Variants in WDR18 observed in about 807,000 individuals in gnomAD.
WDR18 encodes the protein WD repeat-containing protein 18.
In WDR18, 33 loss-of-function variants were observed where a neutral mutation model predicts 49.6. The observed-to-expected ratio is 0.67, with a 90% CI of 0.50 to 0.89. The LOEUF is 0.89. Ranked by LOEUF, WDR18 falls within the 40% of genes least tolerant of loss-of-function variation. The pLI is 0.00. For synonymous variants in WDR18, 315 were observed against 263.6 expected (o/e 1.19, Z -1.89); for missense variants, 653 against 593.6 (o/e 1.10, Z -1.04).
Position 994,358 on chromosome 19 carries a change from C to A in WDR18, c.*14C>A, listed in dbSNP as rs773738604. On this transcript the variant is annotated 3_prime_UTR_variant, in exon 10 of 10. Transcript: ENST00000585809. ...CCGGCCAAGTGAGGCCCGGAGACCC[C>A]GGCCCGAGGCGCCCAGGCCTGAGCC... 2.4e-5 allele frequency: 39 copies of A among 1,599,468 alleles called. No individual in the cohort carries two copies. Among genetic ancestry groups the A allele is most frequent in the South Asian group, 7.8e-5 (7 of 89,584 alleles).
At chr19:992,502 CG>C (rs1175805251) in intron 8 of WDR18, among the ~76,000 whole-genome samples, 1 of 152,212 alleles carries the variant, frequency 6.6e-6, no homozygotes, top group Non-Finnish European at 1.5e-5. Flanking sequence ...CAGGAGCAGC[CG>C]TGAGGGCAGG....
Position 992,062 on chromosome 19 carries a change from G to A in WDR18, c.1039G>A (p.Glu347Lys). 2.5e-6 allele frequency: 4 copies of A among 1,570,034 alleles called. No individual in the cohort carries two copies. The highest frequency in any genetic ancestry group is 2.6e-6 in the Non-Finnish European group (3 of 1,163,328). Reference protein sequence around the residue: ...PHFNKHLLGAEHGDEPRHGGL... With the variant: ...PHFNKHLLGAKHGDEPRHGGL... ...CTTCAACAAGCACCTGCTGGGCGCC[G>A]AGCACGGGGACGAGCCGCGCCACGG... The change falls in exon 8 of 10, where the codon GAG (glutamate) becomes AAG (lysine). Residue 347 changes from glutamate to lysine, a missense_variant. Coordinates refer to ENST00000585809, the MANE Select transcript of WDR18 (RefSeq NM_024100.4).
At chr19:989,921 C>A in intron 3 of WDR18, 26 bp downstream of exon 3, 7 of 1,573,154 alleles carry the variant, frequency 4.4e-6, no homozygotes, top group Non-Finnish European at 6.0e-6. Flanking sequence ...CTCAGGCCTG[C>A]ACCTGGAACT....
chr19:991,958 C>A lies in WDR18; in HGVS notation c.935C>A (p.Pro312Gln). 1 of 1,586,472 alleles carries A rather than the reference C, an allele frequency of 6.3e-7. No individual in the cohort carries two copies. Among genetic ancestry groups the A allele is most frequent in the South Asian group, 1.1e-5 (1 of 88,930 alleles). Reference protein sequence around the residue: ...QCIRTVALKGPVTNAAILLAP... With the variant: ...QCIRTVALKGQVTNAAILLAP... The stretch of plus-strand genomic sequence containing the variant: ...GCCTGACCTCCGCGCCCCCCAGGCC[C>A]AGTCACCAATGCCGCCATCCTGCTG... Residue 312 changes from proline (P) to glutamine (Q), a missense_variant, in exon 8 of 10, where the codon CCA (proline) becomes CAA (glutamine). By Grantham distance (76) the Pro-to-Gln change is moderately conservative. Transcript: ENST00000585809.
At chr19:986,536 T>A (rs1216453754) in intron 2 of WDR18, among the ~76,000 whole-genome samples, 1 of 152,154 alleles carries the variant, frequency 6.6e-6, no homozygotes, top group Non-Finnish European at 1.5e-5. Flanking sequence ...CCCAGAGTAG[T>A]GGGATTACAG....
Position 991,984 on chromosome 19 carries a change from G to T in WDR18, c.961G>T (p.Ala321Ser). The T allele has an allele frequency of 1.3e-6, 2 of 1,595,676 alleles. No homozygotes were observed. Residue 321 changes from alanine to serine, a missense_variant, in exon 8 of 10, where the codon GCG (alanine) becomes TCG (serine). Transcript: ENST00000585809. ...AGTCACCAATGCCGCCATCCTGCTG[G>T]CGCCCGTCAGCATGCTGAGCTCAGA... ...GPVTNAAILL[A>S]PVSMLSSDFR...
chr19:988,118 C>T (rs1483264194), intron 2 of WDR18, among the ~76,000 whole-genome samples: 2 of 151,582 alleles, frequency 1.3e-5, no homozygotes, highest in East Asian at 3.9e-4. Context: ...GCGTGAGCCA[C>T]TGCAGCTGGC....
At position 992,121 on chromosome 19, in the gene WDR18, G is replaced by A. The variant is rs1337989108; in HGVS notation, c.1098G>A (p.Gln366=). The change falls in exon 8 of 10, where the codon CAG becomes CAA. Residue 366 remains glutamine (Q), a splice_region_variant and synonymous_variant. Transcript: ENST00000585809. ...GLTLRLGLHQ[Q]GSEPSYLDRT... is the part of the protein sequence containing the mutation. ...CTCTGCGCCTGGGCCTCCACCAGCA[G>A]GTACGGCCCCCAGCAGGGAACCCCC... The A allele has an allele frequency of 1.4e-6, 2 of 1,469,722 alleles. No homozygotes were observed. The highest frequency in any genetic ancestry group is 1.8e-6 in the Non-Finnish European group (2 of 1,116,516). 91.0% of individuals were successfully genotyped at this position (1,469,722 alleles called of 1,614,324 possible).
At chr19:986,558 C>T (rs1258306657) in intron 2 of WDR18, among the ~76,000 whole-genome samples, 2 of 152,168 alleles carry the variant, frequency 1.3e-5, no homozygotes, top group Non-Finnish European at 2.9e-5. Context: ...CGTGAGCCAC[C>T]GCGCCCGGCC....
chr19:991,729 GGGAC>G (rs1440075386), intron 7 of WDR18, among the ~76,000 whole-genome samples: 8 of 65,804 alleles, frequency 1.2e-4, no homozygotes, highest in South Asian at 5.6e-4. Flanking sequence ...GGGCCTGGCT[GGGAC>G]GGGGCGGGGC....
intron 2 of WDR18, among the ~76,000 whole-genome samples, chr19:987,240 G>T (rs1344344881): frequency 6.6e-6 from 1 of 152,164 alleles, no homozygotes; most frequent in Non-Finnish European, 1.5e-5. Context: ...CTTTTTGGGA[G>T]GCTGAGGCAT....
At chr19:989,270 G>A (rs1433181078) in intron 2 of WDR18, among the ~76,000 whole-genome samples, 1 of 148,062 alleles carries the variant, frequency 6.8e-6, no homozygotes, top group African/African-American at 2.5e-5. Context: ...TGTCCTGGAA[G>A]GGGCTCCCTG....
chr19:984,194 G>T, upstream of WDR18: 1 of 791,086 alleles, frequency 1.3e-6, no homozygotes, highest in East Asian at 3.3e-5. Flanking sequence ...CAGGTAAGCG[G>T]GAAATCCCAC....
chr19:991,890 A>G (rs1207134591), intron 7 of WDR18, 65 bp from the exon 8 acceptor site: 15 of 1,353,192 alleles, frequency 1.1e-5, no homozygotes, highest in African/African-American at 4.2e-5. Context: ...ATGGGGCGGA[A>G]CTTGGCTTGC....
Position 991,217 on chromosome 19 carries a change from G to C in WDR18, c.807-10G>C, listed in dbSNP as rs1335271505. On this transcript the variant is annotated splice_polypyrimidine_tract_variant and intron_variant, in intron 6 of 9. Transcript: ENST00000585809. ...GGCACGTCCCAGGTGACCCCTGTCTGTCTGTCCAGGAACCAGGTGACTTGC... is the reference window on the plus strand; with the variant it reads ...GGCACGTCCCAGGTGACCCCTGTCTCTCTGTCCAGGAACCAGGTGACTTGC... 1.3e-6 allele frequency: 2 copies of C among 1,568,232 alleles called. No individual in the cohort carries two copies. The highest frequency in any genetic ancestry group is 1.7e-6 in the Non-Finnish European group (2 of 1,154,836).
intron 3 of WDR18, 69 bp from the exon 4 acceptor site, chr19:990,154 T>G: frequency 1.3e-6 from 2 of 1,495,702 alleles, no homozygotes; most frequent in Admixed American, 2.0e-5. Context: ...GTGAGGTGGG[T>G]GCTGGAGGCG....
rs576666092 is a variant in WDR18 at position 994,209 on chromosome 19, G to C, written c.1168-4G>C. The C allele has an allele frequency of 2.9e-5, 47 of 1,597,254 alleles. No homozygotes were observed. The highest frequency in any genetic ancestry group is 3.9e-5 in the Non-Finnish European group (46 of 1,174,698). On this transcript the variant is annotated splice_region_variant and splice_polypyrimidine_tract_variant and intron_variant, in intron 9 of 9. Transcript: ENST00000585809. ...CTGCCCTCTGACCCCGACTTCTCCC[G>C]CAGAGCGTGCTCGGCGGCCAGGACC...
At chr19:990,542 C>T in intron 4 of WDR18, 178 bp downstream of exon 4, 1 of 1,025,842 alleles carries the variant, frequency 9.7e-7, no homozygotes. Context: ...CTGGAAATTC[C>T]TACTCATTCA....
chr19:985,585 G>T (rs1376535616), intron 1 of WDR18, among the ~76,000 whole-genome samples: 1 of 152,110 alleles, frequency 6.6e-6, no homozygotes. Context: ...TGTCCTTCTG[G>T]ATCCTCTTTG....
Sources: allele counts gnomAD v4.1 joint callset (sites outside exome capture counted in the v4.1 genomes callset), GRCh38; gene constraint gnomAD v4.1.1; transcripts MANE v1.5; gene names NCBI Gene and HGNC (gene_info 2026-07-23, HGNC 2026-07-21).